MEIS2: variants seen among roughly 807,000 people sequenced by gnomAD.
MEIS2 encodes Meis homeobox 2.
Under a neutral mutation model 58.6 loss-of-function variants are expected in MEIS2, and 9 were observed. The ratio of observed to expected loss-of-function variants is 0.15; its 90% confidence interval spans 0.09 to 0.27. The LOEUF (loss-of-function observed/expected upper bound fraction) is 0.27, where lower values mean the gene tolerates loss of function less well. MEIS2 is among the 10% of genes least tolerant of loss of function. MEIS2 has a pLI of 1.00. For missense variants in MEIS2, 427 were observed against 635.0 expected (o/e 0.67, Z 3.52); for synonymous variants, 221 against 228.4 (o/e 0.97, Z 0.29).
intron 1 of MEIS2, chr15:37,099,053 C>A: frequency 1.0e-6 from 1 of 983,884 alleles, no homozygotes; most frequent in Non-Finnish European, 1.2e-6. Context: ...CAGCCCGTGC[C>A]CGCCCCGAGC....
intron 6 of MEIS2, among the ~76,000 whole-genome samples, chr15:37,090,385 C>G (rs1893369821): frequency 6.6e-6 from 1 of 151,922 alleles, no homozygotes; most frequent in Admixed American, 6.6e-5. Flanking sequence ...GAATGGAAAG[C>G]AAGAATATTA....
chr15:36,932,677 TG>T, intron 9 of MEIS2, among the ~76,000 whole-genome samples: 1 of 152,072 alleles, frequency 6.6e-6, no homozygotes, highest in East Asian at 1.9e-4. Context: ...TGTGCACGTG[TG>T]TGTCTGTCTG....
chr15:36,912,360 AT>A (rs1333625455), intron 9 of MEIS2, among the ~76,000 whole-genome samples: 1 of 152,154 alleles, frequency 6.6e-6, no homozygotes, highest in African/African-American at 2.4e-5. Flanking sequence ...ATGTTGCATA[AT>A]TGCTCTTATG....
At chr15:36,921,266 A>G (rs760852590) in intron 9 of MEIS2, among the ~76,000 whole-genome samples, 3 of 152,208 alleles carry the variant, frequency 2.0e-5, no homozygotes, top group Non-Finnish European at 4.4e-5. Context: ...TGAGGATTAC[A>G]TCAATCACAG....
chr15:36,977,501 C>T (rs2059796963), intron 8 of MEIS2, among the ~76,000 whole-genome samples: 1 of 152,104 alleles, frequency 6.6e-6, no homozygotes, highest in South Asian at 2.1e-4. Flanking sequence ...TGGGTGAGTC[C>T]AGGGATCATC....
chr15:37,023,726 A>G (rs2061600636), intron 8 of MEIS2, among the ~76,000 whole-genome samples: 1 of 152,024 alleles, frequency 6.6e-6, no homozygotes, highest in Non-Finnish European at 1.5e-5. Flanking sequence ...TTTTGCTCCA[A>G]GTCTGCATTT....
At chr15:37,040,407 G>A (rs2062374539) in intron 7 of MEIS2, among the ~76,000 whole-genome samples, 1 of 152,094 alleles carries the variant, frequency 6.6e-6, no homozygotes, top group Non-Finnish European at 1.5e-5. Context: ...AACCCCCACG[G>A]TGGGGCAACT....
Position 37,093,702 on chromosome 15 carries a change from T to C in MEIS2, c.518A>G (p.His173Arg). 6.2e-7 allele frequency: 1 copy of C among 1,614,086 alleles called. No homozygotes were observed. The highest frequency in any genetic ancestry group is 2.2e-5 in the East Asian group (1 of 44,886). Residue 173 changes from histidine to arginine, a missense_variant, in exon 6 of 12, where the codon CAC becomes CGC. Physicochemically the swap from His to Arg is conservative, Grantham distance 29. Around this residue, in one of 6 missense-constraint regions of MEIS2, gnomAD observed 138 missense variants for 263.0 expected, o/e 0.52. Coordinates refer to ENST00000561208, the MANE Select transcript of MEIS2 (RefSeq NM_170675.5). ...CCCCTTCAAACAGCTAATGTATCGG[T>C]GGCAGAAGTTATCGCACAGTTCGTG... is the stretch of plus-strand genomic sequence containing the variant. ...KVHELCDNFC[H>R]RYISCLKGKM...
At chr15:37,052,944 T>C (rs967609659) in intron 7 of MEIS2, among the ~76,000 whole-genome samples, 4 of 152,180 alleles carry the variant, frequency 2.6e-5, no homozygotes, top group Non-Finnish European at 4.4e-5. Flanking sequence ...GCCATGTAAT[T>C]ATTAGTTTGC....
intron 7 of MEIS2, among the ~76,000 whole-genome samples, chr15:37,075,773 C>T (rs1341259216): frequency 2.0e-5 from 3 of 151,896 alleles, no homozygotes; most frequent in Admixed American, 1.3e-4. Flanking sequence ...GAAGGAGCCA[C>T]GGCCTCATAC....
At chr15:37,072,473 C>T (rs1015490896) in intron 7 of MEIS2, among the ~76,000 whole-genome samples, 4 of 152,094 alleles carry the variant, frequency 2.6e-5, no homozygotes, top group African/African-American at 7.2e-5. Flanking sequence ...TCTTCATGTA[C>T]GCACCCACTT....
Position 37,099,576 on chromosome 15 carries a change from G to C in MEIS2, c.-110C>G. 6.7e-7 allele frequency: 1 copy of C among 1,494,422 alleles called. No individual in the cohort carries two copies. Among genetic ancestry groups the C allele is most frequent in the African/African-American group, 1.4e-5 (1 of 70,676 alleles). 92.6% of individuals were successfully genotyped at this position (1,494,422 alleles called of 1,614,324 possible). ...CTTTTTTTTTTTTCCAAACCAAAGA[G>C]ACTTCTCCCAATTCTCCAATATGCT... is the stretch of plus-strand genomic sequence containing the variant. On this transcript the variant is annotated 5_prime_UTR_variant, in exon 1 of 12. Transcript: ENST00000561208.
intron 9 of MEIS2, among the ~76,000 whole-genome samples, chr15:36,901,447 G>A (rs117581886): frequency 1.3e-5 from 2 of 152,160 alleles, no homozygotes; most frequent in Non-Finnish European, 2.9e-5. Flanking sequence ...ACTTGGGCAC[G>A]CAAATGATGG....
intron 7 of MEIS2, among the ~76,000 whole-genome samples, chr15:37,068,457 T>A (rs914561525): frequency 3.3e-5 from 5 of 152,182 alleles, no homozygotes; most frequent in Non-Finnish European, 7.4e-5. Flanking sequence ...GCTAGCAAAT[T>A]CTAAGTTGTC....
chr15:36,996,032 T>TAC lies in MEIS2; in HGVS notation c.900+40780_900+40781dup, dbSNP rs1205549790. On this transcript the variant is annotated intron_variant, in intron 8 of 11. Transcript: ENST00000561208. ...ATATATATACATATGTGTATATATA[T>TAC]ACACACACACACACATATATATATA... Among the ~76,000 whole-genome samples, 6 of 116,094 alleles carry TAC rather than the reference T, an allele frequency of 5.2e-5. 1 individual carries two copies. The highest frequency in any genetic ancestry group is 1.8e-4 in the African/African-American group (6 of 33,932). The allele number at this position is 116,094 out of a possible 152,430, so 76.2% of individuals were successfully genotyped here.
At chr15:36,920,040 T>C (rs1313099107) in intron 9 of MEIS2, among the ~76,000 whole-genome samples, 1 of 152,210 alleles carries the variant, frequency 6.6e-6, no homozygotes, top group Non-Finnish European at 1.5e-5. Context: ...GCATGGATAC[T>C]GATGCTGGAA....
At chr15:36,948,517 T>C (rs1408965576) in intron 9 of MEIS2, among the ~76,000 whole-genome samples, 2 of 152,018 alleles carry the variant, frequency 1.3e-5, no homozygotes, top group African/African-American at 4.8e-5. Context: ...CAAATATCCA[T>C]GCGGAAATTT....
At chr15:37,083,945 C>T (rs1052450705) in intron 6 of MEIS2, 60 bp from the exon 7 acceptor site, 17 of 1,466,976 alleles carry the variant, frequency 1.2e-5, no homozygotes, top group African/African-American at 5.6e-5. Flanking sequence ...CAATGAAGAA[C>T]CAAAAGGAAC....
intron 8 of MEIS2, among the ~76,000 whole-genome samples, chr15:36,981,220 T>C (rs2059918655): frequency 6.6e-6 from 1 of 152,168 alleles, no homozygotes; most frequent in Non-Finnish European, 1.5e-5. Flanking sequence ...TTTTATTACA[T>C]TCTTTTATTG....
Sources: allele counts gnomAD v4.1 joint callset (sites outside exome capture counted in the v4.1 genomes callset), GRCh38; gene constraint gnomAD v4.1.1; regional missense constraint gnomAD v4.1.1; transcripts MANE v1.5; gene names NCBI Gene and HGNC (gene_info 2026-07-23, HGNC 2026-07-21).